GSR: variants seen among roughly 807,000 people sequenced by gnomAD.
The protein encoded by GSR is glutathione reductase, mitochondrial.
Under a neutral mutation model 56.5 loss-of-function variants are expected in GSR, and 48 were observed. The observed-to-expected ratio is 0.85, with a 90% confidence interval of 0.67 to 1.08. The LOEUF is 1.08. Among genes scored for constraint, GSR ranks in the 50% least tolerant of loss-of-function variants. The pLI is 0.00. For missense variants in GSR, 694 were observed against 703.3 expected (o/e 0.99, Z 0.15); for synonymous variants, 264 against 270.8 (o/e 0.97, Z 0.25).
intron 7 of GSR, among the ~76,000 whole-genome samples, chr8:30,693,623 G>C (rs577288652): frequency 1.3e-5 from 2 of 152,126 alleles, no homozygotes; most frequent in African/African-American, 4.8e-5. Flanking sequence ...CCGCCTCCTG[G>C]ATTCAAGCAA....
At chr8:30,704,696 A>G (rs1293701024) in intron 4 of GSR, 1 of 152,210 alleles carries the variant, frequency 6.6e-6, no homozygotes. Context: ...ATGCTTTAAC[A>G]TATTGGAACG....
intron 9 of GSR, among the ~76,000 whole-genome samples, chr8:30,687,122 C>A (rs572264375): frequency 2.0e-4 from 30 of 151,968 alleles, no homozygotes; most frequent in African/African-American, 7.2e-4. Context: ...CAGGTGTGAG[C>A]CACGGCGCCT....
At chr8:30,709,981 G>C in intron 2 of GSR, 79 bp from the exon 3 acceptor site, 1 of 769,566 alleles carries the variant, frequency 1.3e-6, no homozygotes. Flanking sequence ...TGAATGAATG[G>C]TAACTAGGTA....
intron 1 of GSR, among the ~76,000 whole-genome samples, chr8:30,723,989 C>T (rs1236202295): frequency 6.6e-6 from 1 of 152,240 alleles, no homozygotes; most frequent in Admixed American, 6.5e-5. Context: ...TTGAACCTTC[C>T]GTGTGAGTTC....
intron 10 of GSR, 128 bp from the exon 11 acceptor site, chr8:30,682,189 C>A: frequency 5.0e-6 from 4 of 798,930 alleles, no homozygotes; most frequent in Admixed American, 3.6e-5. Context: ...TTGTTCATTA[C>A]ACTATCTAGA....
In GSR at chr8:30,679,607, T is replaced by TGCAACA; in HGVS notation, c.1476_1481dup (p.Ala494_Val495dup). The TGCAACA allele has an allele frequency of 1.9e-6, 3 of 1,613,952 alleles. No individual in the cohort carries two copies. The highest frequency in any genetic ancestry group is 1.7e-6 in the Non-Finnish European group (2 of 1,179,876). On this transcript the variant is annotated inframe_insertion, in exon 13 of 13. Coordinates refer to ENST00000221130, the MANE Select transcript of GSR (RefSeq NM_000637.5). ...CTGCCTTCGTTGCTCCCATCTTCAC[T>TGCAACA]GCAACAGCAAAACCCTGCAGCATTT...
intron 1 of GSR, among the ~76,000 whole-genome samples, chr8:30,721,912 G>A (rs770038071): frequency 5.9e-5 from 9 of 151,858 alleles, no homozygotes; most frequent in Non-Finnish European, 1.0e-4. Flanking sequence ...AGCTACTCAG[G>A]AGGCTGGGCA....
At chr8:30,681,800 A>T (rs1357686841) in intron 11 of GSR, 130 bp downstream of exon 11, 1 of 840,700 alleles carries the variant, frequency 1.2e-6, no homozygotes, top group African/African-American at 1.7e-5. Context: ...CTGTGACAAG[A>T]GAGTAACCAA....
At chr8:30,719,802 T>C (rs944456931) in intron 1 of GSR, among the ~76,000 whole-genome samples, 2 of 152,188 alleles carry the variant, frequency 1.3e-5, no homozygotes, top group African/African-American at 4.8e-5. Context: ...AGGGCCTGCC[T>C]CGTTACCTTC....
intron 9 of GSR, among the ~76,000 whole-genome samples, chr8:30,686,503 C>A (rs1162559707): frequency 6.6e-6 from 1 of 151,898 alleles, no homozygotes; most frequent in Non-Finnish European, 1.5e-5. Flanking sequence ...GGTAATACAG[C>A]GAGACCTTGT....
chr8:30,701,903 C>T (rs1459180255), intron 5 of GSR, among the ~76,000 whole-genome samples: 1 of 151,232 alleles, frequency 6.6e-6, no homozygotes, highest in East Asian at 1.9e-4. Context: ...CCACAAAGTC[C>T]TTATAATCTA....
intron 5 of GSR, 25 bp from the exon 6 acceptor site, chr8:30,700,160 T>C (rs767469906): frequency 1.3e-6 from 2 of 1,547,926 alleles, no homozygotes; most frequent in Admixed American, 3.3e-5. Flanking sequence ...GCAACATAGA[T>C]CACACAAGAC....
At chr8:30,717,774 C>T (rs1302008130) in intron 1 of GSR, among the ~76,000 whole-genome samples, 1 of 152,044 alleles carries the variant, frequency 6.6e-6, no homozygotes, top group African/African-American at 2.4e-5. Flanking sequence ...TTATATATTA[C>T]AACATAATAA....
chr8:30,679,570 T>C lies in GSR; in HGVS notation c.1519A>G (p.Thr507Ala). Residue 507 changes from threonine to alanine, a missense_variant, in exon 13 of 13, where the codon ACA becomes GCA. By Grantham distance (58) the Thr-to-Ala change is moderately conservative (BLOSUM62 0). Transcript: ENST00000221130. ...MGATKADFDNTVAIHPTSSEE... is the reference protein window; with the variant it reads ...MGATKADFDNAVAIHPTSSEE... ...GAAGAGGTAGGGTGAATGGCGACTG[T>C]GTTGTCAAAGTCTGCCTTCGTTGCT... The C allele has an allele frequency of 6.2e-7, 1 of 1,614,128 alleles. No homozygotes were observed. Among genetic ancestry groups the C allele is most frequent in the Non-Finnish European group, 8.5e-7 (1 of 1,180,012 alleles).
intron 6 of GSR, among the ~76,000 whole-genome samples, chr8:30,697,419 AAC>A (rs1803582831): frequency 1.0e-5 from 1 of 96,928 alleles, no homozygotes; most frequent in Admixed American, 1.1e-4. Context: ...GTCTCAAAAA[AAC>A]AAAACAAACA....
intron 1 of GSR, among the ~76,000 whole-genome samples, chr8:30,716,229 G>A (rs879752805): frequency 1.3e-5 from 2 of 152,220 alleles, no homozygotes; most frequent in Admixed American, 1.3e-4. Context: ...AGGGGCAGCA[G>A]CAGAATCTCC....
intron 4 of GSR, 149 bp from the exon 5 acceptor site, chr8:30,703,389 G>C (rs556610436): frequency 3.7e-6 from 3 of 816,508 alleles, no homozygotes; most frequent in Admixed American, 4.1e-5. Flanking sequence ...AGTTTCTGTA[G>C]AACTTCTAAC....
At chr8:30,702,957 T>C (rs1391256990) in intron 5 of GSR, 136 bp downstream of exon 5, 2 of 899,526 alleles carry the variant, frequency 2.2e-6, no homozygotes, top group African/African-American at 3.3e-5. Flanking sequence ...TGGAGTTAGG[T>C]TCTGCAGAGA....
intron 1 of GSR, among the ~76,000 whole-genome samples, chr8:30,724,808 T>A (rs1461597854): frequency 6.6e-6 from 1 of 152,174 alleles, no homozygotes; most frequent in Non-Finnish European, 1.5e-5. Flanking sequence ...AGTGCTGGCG[T>A]GAGCCATCAC....
Sources: allele counts gnomAD v4.1 joint callset (sites outside exome capture counted in the v4.1 genomes callset), GRCh38; gene constraint gnomAD v4.1.1; transcripts MANE v1.5; gene names NCBI Gene and HGNC (gene_info 2026-07-23, HGNC 2026-07-21).